Variants in SPINK13 observed in about 807,000 individuals in gnomAD.
The protein encoded by SPINK13 is serine peptidase inhibitor Kazal type 13.
A neutral mutation model predicts 11.0 loss-of-function variants in SPINK13; 11 were observed. That is an observed-to-expected ratio of 1.00 (90% CI 0.63 to 1.65). The LOEUF is 1.65. Among genes scored for constraint, SPINK13 ranks in the 40% most tolerant of loss-of-function variants. The pLI is 0.00. For missense variants in SPINK13, 113 were observed against 117.7 expected (o/e 0.96, Z 0.19); for synonymous variants, 31 against 35.6 (o/e 0.87, Z 0.46).
intron 3 of SPINK13, among the ~76,000 whole-genome samples, chr5:148,274,758 A>G (rs983960719): frequency 5.9e-5 from 9 of 152,148 alleles, no homozygotes; most frequent in African/African-American, 1.9e-4. Flanking sequence ...ATAAATAAAT[A>G]AATCTTCATG....
chr5:148,283,339 A>G (rs1391202866), intron 4 of SPINK13, among the ~76,000 whole-genome samples: 1 of 152,184 alleles, frequency 6.6e-6, no homozygotes, highest in Non-Finnish European at 1.5e-5. Flanking sequence ...GGTGTTCATT[A>G]TAAATTTCAT....
intron 3 of SPINK13, among the ~76,000 whole-genome samples, chr5:148,281,220 T>C (rs953877557): frequency 4.6e-5 from 7 of 152,172 alleles, no homozygotes; most frequent in Non-Finnish European, 1.0e-4. Flanking sequence ...CTTGCTGGGC[T>C]CTGTGGGGAT....
intron 2 of SPINK13, among the ~76,000 whole-genome samples, chr5:148,274,036 G>A (rs777176021): frequency 2.6e-5 from 4 of 152,082 alleles, no homozygotes; most frequent in Non-Finnish European, 5.9e-5. Flanking sequence ...TTGCAGTGAA[G>A]AGGAAGCTAA....
At chr5:148,269,589 G>T (rs192045675) in intron 1 of SPINK13, among the ~76,000 whole-genome samples, 1 of 152,106 alleles carries the variant, frequency 6.6e-6, no homozygotes, top group Non-Finnish European at 1.5e-5. Context: ...ATGTTATAGG[G>T]TTATATGTCC....
intron 2 of SPINK13, 143 bp downstream of exon 2, chr5:148,270,285 T>A (rs1175213429): frequency 5.5e-6 from 4 of 732,472 alleles, no homozygotes; most frequent in African/African-American, 5.4e-5. Flanking sequence ...AATTAAAATG[T>A]ATATTCTTAA....
intron 4 of SPINK13, 80 bp from the exon 5 acceptor site, chr5:148,285,920 A>G (rs1364073189): frequency 1.2e-6 from 1 of 809,300 alleles, no homozygotes; most frequent in Admixed American, 3.2e-5. Flanking sequence ...GACCTCTTTT[A>G]GAAGATAAGG....
chr5:148,284,028 G>A (rs1183560872), intron 4 of SPINK13, among the ~76,000 whole-genome samples: 1 of 152,148 alleles, frequency 6.6e-6, no homozygotes, highest in Admixed American at 6.5e-5. Flanking sequence ...GGTGTTAGCA[G>A]CTCAAAGATC....
chr5:148,275,414 T>A (rs897912850), intron 3 of SPINK13, among the ~76,000 whole-genome samples: 4 of 152,224 alleles, frequency 2.6e-5, no homozygotes, highest in Non-Finnish European at 5.9e-5. Flanking sequence ...TCCAAGTCTT[T>A]GCTATTGTGA....
intron 4 of SPINK13, among the ~76,000 whole-genome samples, chr5:148,285,555 A>T (rs1756577423): frequency 6.6e-6 from 1 of 152,186 alleles, no homozygotes; most frequent in Admixed American, 6.5e-5. Flanking sequence ...TGCAGAGGCT[A>T]GTCTTTTGTG....
At chr5:148,269,325 G>A (rs1207015296) in intron 1 of SPINK13, among the ~76,000 whole-genome samples, 2 of 152,106 alleles carry the variant, frequency 1.3e-5, no homozygotes, top group Admixed American at 6.5e-5. Context: ...AATTTGAACT[G>A]CCATCTCTCT....
rs182538455 is a variant in SPINK13, at chr5:148,278,279, C to T, written c.109-3825C>T. 1.8e-3 allele frequency among the ~76,000 whole-genome samples: 268 copies of T among 152,264 alleles called. 1 individual carries two copies. The highest frequency in any genetic ancestry group is 0.014 in the Middle Eastern group (4 of 294). On this transcript the variant is annotated intron_variant, in intron 3 of 4. Transcript: ENST00000398450. ...TGAGTCTCTATCGCCTTCAGTTCTG[C>T]TCTGATCTTAGTTATTTCTTGCCTT... is the stretch of plus-strand genomic sequence containing the variant.
At chr5:148,271,984 G>T (rs1756358531) in intron 2 of SPINK13, among the ~76,000 whole-genome samples, 2 of 152,148 alleles carry the variant, frequency 1.3e-5, no homozygotes, top group African/African-American at 4.8e-5. Flanking sequence ...TTTGAAATTT[G>T]CTTTTTCCTA....
At position 148,284,122 on chromosome 5, in the gene SPINK13, CCTT is replaced by C. The variant is rs1416992703; in HGVS notation, c.237-1876_237-1874del. 7.9e-4 allele frequency among the ~76,000 whole-genome samples: 117 copies of C among 148,376 alleles called. 1 individual carries two copies. The highest frequency in any genetic ancestry group is 3.0e-3 in the African/African-American group (117 of 39,374). On this transcript the variant is annotated intron_variant, in intron 4 of 4. Coordinates refer to ENST00000398450, the MANE Select transcript of SPINK13 (RefSeq NM_001040129.3). ...CCTTCCTTCCTCCCTCCCTCCCTTT[CCTT>C]CCTCTCTTCCTTCATCAATTCCTTC...
chr5:148,278,670 G>A (rs1388515306), intron 3 of SPINK13, among the ~76,000 whole-genome samples: 1 of 152,176 alleles, frequency 6.6e-6, no homozygotes, highest in African/African-American at 2.4e-5. Flanking sequence ...TGCATTTGCT[G>A]AGGAGTGTTT....
At chr5:148,279,440 T>A (rs1380206150) in intron 3 of SPINK13, among the ~76,000 whole-genome samples, 2 of 152,190 alleles carry the variant, frequency 1.3e-5, no homozygotes, top group African/African-American at 4.8e-5. Flanking sequence ...CCATGTTTAG[T>A]GCTTCCCTCA....
intron 3 of SPINK13, 89 bp from the exon 4 acceptor site, chr5:148,282,015 A>G (rs892762831): frequency 2.0e-6 from 3 of 1,520,382 alleles, no homozygotes; most frequent in Non-Finnish European, 2.7e-6. Flanking sequence ...ATGATTTAAT[A>G]TTATTTTTTA....
intron 4 of SPINK13, among the ~76,000 whole-genome samples, chr5:148,285,341 T>C (rs1756574520): frequency 1.3e-5 from 2 of 152,160 alleles, no homozygotes; most frequent in Admixed American, 1.3e-4. Flanking sequence ...GGGAAGTCTC[T>C]TGAAGAACGA....
chr5:148,274,633 T>C (rs1756398121), intron 3 of SPINK13, among the ~76,000 whole-genome samples: 1 of 152,114 alleles, frequency 6.6e-6, no homozygotes, highest in African/African-American at 2.4e-5. Context: ...TGTAGCCAGC[T>C]ACATGGGAGG....
intron 3 of SPINK13, among the ~76,000 whole-genome samples, chr5:148,279,225 T>C (rs969508077): frequency 6.6e-6 from 1 of 151,300 alleles, no homozygotes; most frequent in Non-Finnish European, 1.5e-5. Flanking sequence ...GGGTCTTGAC[T>C]CTATCCAATT....
Sources: gnomAD v4.1 joint callset for allele counts (sites outside exome capture counted in the v4.1 genomes callset) on GRCh38, gnomAD v4.1.1 for gene constraint, MANE v1.5 for transcripts, NCBI Gene and HGNC (gene_info 2026-07-23, HGNC 2026-07-21) for gene names.